The following KIAA0930 variants were observed in gnomAD, a reference collection of about 807,000 sequenced individuals.
KIAA0930 encodes the protein uncharacterized protein KIAA0930.
KIAA0930 carries 24 observed loss-of-function variants against 43.9 expected under a neutral mutation model. That is an observed-to-expected ratio of 0.55 (90% CI 0.40 to 0.77). The LOEUF (loss-of-function observed/expected upper bound fraction) is 0.77, where lower values mean the gene tolerates loss of function less well. KIAA0930 is among the 30% of genes least tolerant of loss of function. The probability of loss-of-function intolerance (pLI) is 0.00; values close to 1 mark genes in which losing one functional copy is unlikely to be tolerated. For synonymous variants in KIAA0930, 259 were observed against 216.4 expected, an observed-to-expected ratio of 1.20 and a Z score of -1.73; for missense variants, 461 against 574.2, an observed-to-expected ratio of 0.80 and a Z score of 2.02.
intron 1 of KIAA0930, chr22:45,226,096 G>A (rs911058035): frequency 3.5e-5 from 13 of 372,328 alleles, no homozygotes; most frequent in Admixed American, 9.4e-5. Context: ...AACACAGGAC[G>A]TGCCGAGCCC....
chr22:45,227,253 GTC>G (rs1417363995), intron 1 of KIAA0930, among the ~76,000 whole-genome samples: 1 of 152,154 alleles, frequency 6.6e-6, no homozygotes, highest in Non-Finnish European at 1.5e-5. Context: ...CTTCCCAGGG[GTC>G]TCAGTCCCCT....
intron 1 of KIAA0930, among the ~76,000 whole-genome samples, chr22:45,215,201 G>C (rs1397293796): frequency 6.6e-6 from 1 of 152,052 alleles, no homozygotes; most frequent in African/African-American, 2.4e-5. Context: ...CTGGGAGACA[G>C]AGCGAGACCC....
chr22:45,230,193 T>C (rs2083843582), intron 1 of KIAA0930, among the ~76,000 whole-genome samples: 1 of 152,132 alleles, frequency 6.6e-6, no homozygotes, highest in South Asian at 2.1e-4. Flanking sequence ...GAGGGCTGAC[T>C]CTTGGCCTGC....
intron 1 of KIAA0930, among the ~76,000 whole-genome samples, chr22:45,217,186 C>T (rs1351816908): frequency 5.3e-5 from 8 of 151,868 alleles, no homozygotes. Flanking sequence ...CATCGCAAAA[C>T]CCCATCTCTA....
At chr22:45,206,011 A>G (rs1252471333) in intron 2 of KIAA0930, 99 bp from the exon 3 acceptor site, 8 of 1,535,632 alleles carry the variant, frequency 5.2e-6, no homozygotes, top group Admixed American at 2.0e-5. Flanking sequence ...AAGGACTCCA[A>G]TTCTTTTTTC....
At chr22:45,226,032 T>C in intron 1 of KIAA0930, 1 of 286,006 alleles carries the variant, frequency 3.5e-6, no homozygotes, top group Non-Finnish European at 7.3e-6. Flanking sequence ...TGGCAGGGCG[T>C]CCGGGGCCCA....
Position 45,219,591 on chromosome 22 carries a change from T to G in KIAA0930, c.65-7484A>C, listed in dbSNP as rs916001847. Among the ~76,000 whole-genome samples, 10 of 136,046 alleles carry G rather than the reference T, an allele frequency of 7.4e-5. No homozygotes were observed. In the East Asian group the frequency reaches 1.7e-3, roughly 23 times the overall value. The allele number at this position is 136,046 out of a possible 152,430, so 89.3% of individuals were successfully genotyped here. A position where few individuals can be genotyped will look rare whatever the true frequency, so the allele number is the denominator to read the frequency against. On this transcript the variant is annotated intron_variant, in intron 1 of 9. Coordinates refer to ENST00000336156, the MANE Select transcript of KIAA0930 (RefSeq NM_001009880.2). ...AGGCCAAGAGGTGATTGTTTTTTTT[T>G]TTTTTTTTTTTTTTTTTTTTAAGAT...
chr22:45,232,529 G>T (rs569612256), intron 1 of KIAA0930, among the ~76,000 whole-genome samples: 22 of 152,190 alleles, frequency 1.4e-4, no homozygotes, highest in Non-Finnish European at 2.9e-4. Flanking sequence ...GACAGTCGGG[G>T]TCCACTCTGA....
intron 2 of KIAA0930, among the ~76,000 whole-genome samples, chr22:45,208,882 T>C (rs2083665993): frequency 6.6e-6 from 1 of 152,158 alleles, no homozygotes; most frequent in Admixed American, 6.5e-5. Flanking sequence ...CACCTTAGGA[T>C]CCTGAGGTGT....
At chr22:45,204,648 C>T (rs2083619582) in intron 5 of KIAA0930, among the ~76,000 whole-genome samples, 1 of 152,040 alleles carries the variant, frequency 6.6e-6, no homozygotes, top group South Asian at 2.1e-4. Context: ...CGACCAGGGC[C>T]TCAACAGAGG....
In KIAA0930 at chr22:45,240,800, A is replaced by G. The variant is rs1314866302; in HGVS notation, c.-97T>C. On this transcript the variant is annotated 5_prime_UTR_variant, in exon 1 of 10. Coordinates refer to ENST00000336156, the MANE Select transcript of KIAA0930 (RefSeq NM_001009880.2). ...GCGGCCCGGCCCGCAGCCCGCCGCGAGCACCAAGGAAGCCACAGTCCGCCT... is the reference window on the plus strand; with the variant it reads ...GCGGCCCGGCCCGCAGCCCGCCGCGGGCACCAAGGAAGCCACAGTCCGCCT... The G allele has an allele frequency of 2.3e-3, 1 of 426 alleles. No homozygotes were observed. The highest frequency in any genetic ancestry group is 9.1e-3 in the Non-Finnish European group (1 of 110). 0.0% of individuals were successfully genotyped at this position (426 alleles called of 1,614,324 possible). A position where few individuals can be genotyped will look rare whatever the true frequency, so the allele number is the denominator to read the frequency against.
chr22:45,202,229 G>A (rs1054013104), intron 7 of KIAA0930, among the ~76,000 whole-genome samples: 1 of 152,238 alleles, frequency 6.6e-6, no homozygotes, highest in Middle Eastern at 3.2e-3. Flanking sequence ...CAGTCCCTCT[G>A]GAAGAACCAG....
chr22:45,238,386 G>A (rs887593184), intron 1 of KIAA0930, among the ~76,000 whole-genome samples: 1 of 152,134 alleles, frequency 6.6e-6, no homozygotes, highest in African/African-American at 2.4e-5. Context: ...AATCAGACTG[G>A]GTAATGCCTT....
In KIAA0930 at chr22:45,197,677, C is replaced by A. The variant is rs182758303; in HGVS notation, c.1174+113G>T. On this transcript the variant is annotated intron_variant, in intron 9 of 9. Coordinates refer to ENST00000336156, the MANE Select transcript of KIAA0930 (RefSeq NM_001009880.2). The stretch of plus-strand genomic sequence containing the variant: ...CCAAGAGCCCTGCAAAGAAACCCAA[C>A]CAACCGACAGGACAGGGCGGGATGA... The A allele has an allele frequency of 1.8e-3, 2,048 of 1,169,550 alleles. 20 individuals are homozygous for A. The African/African-American group carries it at 0.028, about 16-fold the overall frequency. 72.4% of individuals were successfully genotyped at this position (1,169,550 alleles called of 1,614,324 possible).
Position 45,195,793 on chromosome 22 carries a change from A to C in KIAA0930, c.*1383T>G, listed in dbSNP as rs1262287059. ...GGACTTCAGTGAGGTAGGTGGTATC[A>C]GCCCCATTTCACAGGTGGGCAAACT... On this transcript the variant is annotated 3_prime_UTR_variant, in exon 10 of 10. Coordinates refer to ENST00000336156, the MANE Select transcript of KIAA0930 (RefSeq NM_001009880.2). 2 of 152,670 alleles carry C rather than the reference A, an allele frequency of 1.3e-5. No homozygotes were observed. Among genetic ancestry groups the C allele is most frequent in the Admixed American group, 6.5e-5 (1 of 15,282 alleles). 9.5% of individuals were successfully genotyped at this position (152,670 alleles called of 1,614,324 possible). A position where few individuals can be genotyped will look rare whatever the true frequency, so the allele number is the denominator to read the frequency against.
intron 1 of KIAA0930, among the ~76,000 whole-genome samples, chr22:45,227,871 G>C (rs76644467): frequency 0.02 from 3,015 of 152,296 alleles, 97 homozygotes; most frequent in African/African-American, 0.069. Flanking sequence ...TGCAGGGAGA[G>C]GGCTCCCGGG....
At chr22:45,223,411 T>C (rs535369194) in intron 1 of KIAA0930, among the ~76,000 whole-genome samples, 1 of 152,250 alleles carries the variant, frequency 6.6e-6, no homozygotes, top group Non-Finnish European at 1.5e-5. Context: ...ATCCTGGCTC[T>C]GGCAGTTCTG....
intron 1 of KIAA0930, among the ~76,000 whole-genome samples, chr22:45,228,866 C>CCAAA (rs113674393): frequency 7.3e-5 from 6 of 82,444 alleles, no homozygotes; most frequent in Non-Finnish European, 1.2e-4. Context: ...CCCCCAACCA[C>CCAAA]CACTCACCCG....
At chr22:45,212,634 C>A in intron 1 of KIAA0930, 1 of 1,086,846 alleles carries the variant, frequency 9.2e-7, no homozygotes, top group Non-Finnish European at 1.2e-6. Flanking sequence ...GAGACAGCAC[C>A]CGCCCCACCC....
Sources: allele counts gnomAD v4.1 joint callset (sites outside exome capture counted in the v4.1 genomes callset), GRCh38; gene constraint gnomAD v4.1.1; transcripts MANE v1.5; gene names NCBI Gene and HGNC (gene_info 2026-07-23, HGNC 2026-07-21).